Variants in C1orf21 observed in about 807,000 individuals in gnomAD.
The protein encoded by C1orf21 is chromosome 1 open reading frame 21.
C1orf21 carries 3 observed loss-of-function variants against 18.7 expected under a neutral mutation model. That is an observed-to-expected ratio of 0.16 (90% CI 0.07 to 0.42). C1orf21 has a LOEUF of 0.42. Ranked by LOEUF, C1orf21 falls within the 10% of genes least tolerant of loss-of-function variation. The probability of loss-of-function intolerance (pLI) is 0.99; values close to 1 mark genes in which losing one functional copy is unlikely to be tolerated. For missense variants in C1orf21, 104 were observed against 143.6 expected, an observed-to-expected ratio of 0.72 and a Z score of 1.41; for synonymous variants, 41 against 46.4, an observed-to-expected ratio of 0.88 and a Z score of 0.47.
intron 1 of C1orf21, among the ~76,000 whole-genome samples, chr1:184,448,987 A>T (rs1365842409): frequency 6.6e-6 from 1 of 152,218 alleles, no homozygotes; most frequent in Admixed American, 6.5e-5. Flanking sequence ...TAAGGTGACG[A>T]AACTTAATTT....
intron 3 of C1orf21, among the ~76,000 whole-genome samples, chr1:184,533,930 C>A (rs1283732818): frequency 6.6e-6 from 1 of 152,164 alleles, no homozygotes; most frequent in Non-Finnish European, 1.5e-5. Flanking sequence ...ATACTCAGAC[C>A]TATGGGGACA....
At chr1:184,490,146 G>A (rs959760752) in intron 2 of C1orf21, among the ~76,000 whole-genome samples, 1 of 152,154 alleles carries the variant, frequency 6.6e-6, no homozygotes, top group Non-Finnish European at 1.5e-5. Flanking sequence ...GGCACTTGTT[G>A]GTTTCATTTA....
chr1:184,529,102 TTTAC>T (rs1444169705), intron 3 of C1orf21, among the ~76,000 whole-genome samples: 1 of 152,206 alleles, frequency 6.6e-6, no homozygotes, highest in Non-Finnish European at 1.5e-5. Context: ...TTCTTGCCGA[TTTAC>T]TTAAGAGTAA....
Position 184,621,591 on chromosome 1 carries a change from C to T in C1orf21, c.*2035C>T, listed in dbSNP as rs960341830. The T allele has an allele frequency of 6.6e-6, 1 of 152,548 alleles. No individual in the cohort carries two copies. Among genetic ancestry groups the T allele is most frequent in the African/African-American group, 2.4e-5 (1 of 41,446 alleles). The allele number at this position is 152,548 out of a possible 1,614,324, so 9.4% of individuals were successfully genotyped here. ...GTTCTTATCAAGCAAGAATTAAGCA[C>T]ATGCTAAACGTCTTCCATTTGACTT... On this transcript the variant is annotated 3_prime_UTR_variant, in exon 6 of 6. Coordinates refer to ENST00000235307, the MANE Select transcript of C1orf21 (RefSeq NM_030806.4).
Position 184,472,665 on chromosome 1 carries a change from T to A in C1orf21, c.-124-4721T>A, listed in dbSNP as rs146327607. Among the ~76,000 whole-genome samples, 313 of 152,310 alleles carry A rather than the reference T, an allele frequency of 2.1e-3. 2 individuals carry two copies. Among genetic ancestry groups the A allele is most frequent in the African/African-American group, 7.0e-3 (293 of 41,578 alleles). ...AATTTTATAAAAGTAGGATTTTTTT[T>A]AATGAAACCTTGTTTCTAGTTAAAA... is the stretch of plus-strand genomic sequence containing the variant. On this transcript the variant is annotated intron_variant, in intron 1 of 5. Coordinates refer to ENST00000235307, the MANE Select transcript of C1orf21 (RefSeq NM_030806.4).
At chr1:184,498,472 C>T (rs1657926160) in intron 2 of C1orf21, among the ~76,000 whole-genome samples, 1 of 152,074 alleles carries the variant, frequency 6.6e-6, no homozygotes, top group Non-Finnish European at 1.5e-5. Context: ...TTGGAATGAT[C>T]ATATAATTTC....
chr1:184,552,570 C>CA (rs1658827641), intron 3 of C1orf21, among the ~76,000 whole-genome samples: 1 of 152,022 alleles, frequency 6.6e-6, no homozygotes, highest in Non-Finnish European at 1.5e-5. Flanking sequence ...AGAGGGAAAT[C>CA]AAAGAGATGT....
intron 1 of C1orf21, among the ~76,000 whole-genome samples, chr1:184,437,425 C>T (rs1656875974): frequency 6.7e-6 from 1 of 150,204 alleles, no homozygotes; most frequent in African/African-American, 2.5e-5. Context: ...TTTTTCCTCC[C>T]ATCTTGCTCT....
At chr1:184,424,945 C>G (rs1306938107) in intron 1 of C1orf21, among the ~76,000 whole-genome samples, 2 of 152,182 alleles carry the variant, frequency 1.3e-5, no homozygotes, top group South Asian at 2.1e-4. Context: ...CCCTGTATAC[C>G]TTGAATGGGG....
At chr1:184,529,714 G>T (rs898693432) in intron 3 of C1orf21, among the ~76,000 whole-genome samples, 1 of 152,196 alleles carries the variant, frequency 6.6e-6, no homozygotes, top group African/African-American at 2.4e-5. Context: ...AGTCAGGTGG[G>T]AGGAAAATCA....
rs934253821 is a variant in C1orf21 at position 184,627,994 on chromosome 1, T to C, written c.*8438T>C. 6.6e-6 allele frequency: 1 copy of C among 152,246 alleles called. No individual in the cohort carries two copies. The highest frequency in any genetic ancestry group is 6.5e-5 in the Admixed American group (1 of 15,284). The allele number at this position is 152,246 out of a possible 1,614,324, so 9.4% of individuals were successfully genotyped here. A position where few individuals can be genotyped will look rare whatever the true frequency, so the allele number is the denominator to read the frequency against. ...CATATTTGCCCTTCCCAAGGGTATT[T>C]GCATTTTATTTAGGAACATGGCCTT... is the stretch of plus-strand genomic sequence containing the variant. On this transcript the variant is annotated 3_prime_UTR_variant, in exon 6 of 6. Transcript: ENST00000235307.
chr1:184,483,660 C>CA (rs1180672124), intron 2 of C1orf21, among the ~76,000 whole-genome samples: 2 of 152,180 alleles, frequency 1.3e-5, no homozygotes, highest in Non-Finnish European at 2.9e-5. Flanking sequence ...CCAAGAACTG[C>CA]AGTGTCCTCA....
chr1:184,466,890 A>T (rs1428022791), intron 1 of C1orf21, among the ~76,000 whole-genome samples: 1 of 152,194 alleles, frequency 6.6e-6, no homozygotes, highest in Admixed American at 6.5e-5. Context: ...AGGTTTCCCA[A>T]AAATGATTGT....
At chr1:184,433,314 A>C (rs1042956702) in intron 1 of C1orf21, among the ~76,000 whole-genome samples, 1 of 152,082 alleles carries the variant, frequency 6.6e-6, no homozygotes, top group Admixed American at 6.6e-5. Flanking sequence ...AGAGGAGTGG[A>C]TATGTGGAAG....
intron 3 of C1orf21, among the ~76,000 whole-genome samples, chr1:184,586,491 G>C (rs906815842): frequency 1.3e-5 from 2 of 151,960 alleles, no homozygotes; most frequent in African/African-American, 4.8e-5. Flanking sequence ...CACCGTGTTA[G>C]CCAGGATGGT....
intron 3 of C1orf21, among the ~76,000 whole-genome samples, chr1:184,587,957 C>T (rs1036021241): frequency 1.3e-5 from 2 of 152,050 alleles, no homozygotes; most frequent in Non-Finnish European, 2.9e-5. Context: ...TGTCCTGAGA[C>T]TTTGGATGCA....
chr1:184,543,170 A>C (rs767352640), intron 3 of C1orf21, among the ~76,000 whole-genome samples: 2 of 152,124 alleles, frequency 1.3e-5, no homozygotes, highest in Non-Finnish European at 2.9e-5. Context: ...ATATAGCAAG[A>C]CACCTTCTTC....
intron 1 of C1orf21, among the ~76,000 whole-genome samples, chr1:184,472,915 G>A (rs1006732880): frequency 2.5e-4 from 38 of 152,086 alleles, no homozygotes; most frequent in African/African-American, 8.5e-4. Context: ...AAACATGCAC[G>A]GTTATACATT....
At chr1:184,551,944 A>T (rs1658818810) in intron 3 of C1orf21, among the ~76,000 whole-genome samples, 1 of 31,268 alleles carries the variant, frequency 3.2e-5, no homozygotes, top group African/African-American at 2.5e-4. Flanking sequence ...ACCCTGTCTT[A>T]AAAAAAAAAA....
Sources: allele counts gnomAD v4.1 joint callset (sites outside exome capture counted in the v4.1 genomes callset), GRCh38; gene constraint gnomAD v4.1.1; transcripts MANE v1.5; gene names NCBI Gene and HGNC (gene_info 2026-07-23, HGNC 2026-07-21).